The following CRISPLD2 variants were observed in gnomAD, a reference collection of about 807,000 sequenced individuals.
CRISPLD2 encodes cysteine-rich secretory protein LCCL domain-containing 2.
In CRISPLD2, 47 loss-of-function variants were observed where a neutral mutation model predicts 71.1. The observed-to-expected ratio is 0.66, with a 90% CI of 0.52 to 0.84. The LOEUF (loss-of-function observed/expected upper bound fraction) is 0.84. Ranked by LOEUF, CRISPLD2 falls within the 40% of genes least tolerant of loss-of-function variation. The pLI is 0.00. For synonymous variants in CRISPLD2, 317 were observed against 250.1 expected, an observed-to-expected ratio of 1.27 and a Z score of -2.52; for missense variants, 830 against 651.1, an observed-to-expected ratio of 1.27 and a Z score of -2.99.
chr16:84,889,270 T>G lies in CRISPLD2; in HGVS notation c.1346T>G (p.Ile449Ser), dbSNP rs774613732. 5 of 1,613,944 alleles carry G rather than the reference T, an allele frequency of 3.1e-6. No homozygotes were observed. Among genetic ancestry groups the G allele is most frequent in the Non-Finnish European group, 8.5e-7 (1 of 1,180,014 alleles). The change falls in exon 14 of 15, where the codon ATC becomes AGC. Residue 449 changes from isoleucine to serine, a missense_variant. Physicochemically the swap from Ile to Ser is moderately radical, Grantham distance 142 (BLOSUM62 -2). Coordinates refer to ENST00000262424, the MANE Select transcript of CRISPLD2 (RefSeq NM_031476.4). ...AAGACAGCCGTGCACGCGGGAGTCATCAGCAACGAGAGTGGGGGTGACGTG... is the reference window on the plus strand; with the variant it reads ...AAGACAGCCGTGCACGCGGGAGTCAGCAGCAACGAGAGTGGGGGTGACGTG... ...ICKTAVHAGV[I>S]SNESGGDVDV...
chr16:84,886,410 A>G (rs2071613737), intron 13 of CRISPLD2, among the ~76,000 whole-genome samples: 1 of 152,188 alleles, frequency 6.6e-6, no homozygotes, highest in Non-Finnish European at 1.5e-5. Flanking sequence ...CAAAGGAGCT[A>G]TGAGACTGTG....
At chr16:84,863,637 A>G (rs553268337) in intron 6 of CRISPLD2, among the ~76,000 whole-genome samples, 25 of 152,270 alleles carry the variant, frequency 1.6e-4, no homozygotes, top group African/African-American at 2.9e-4. Flanking sequence ...AATGTGGCCA[A>G]TCATGCCTCT....
At chr16:84,880,995 A>G (rs774202) in intron 13 of CRISPLD2, among the ~76,000 whole-genome samples, 96,676 of 151,958 alleles carry the variant, frequency 0.64, 32,405 homozygotes, top group East Asian at 0.86. Context: ...GTGAGTCCCC[A>G]CACCCGGCCA....
intron 5 of CRISPLD2, among the ~76,000 whole-genome samples, chr16:84,853,268 C>T (rs1597459525): frequency 2.6e-5 from 4 of 152,298 alleles, no homozygotes; most frequent in Admixed American, 2.6e-4. Flanking sequence ...GAGAAACCTA[C>T]TGGGCTTCAC....
At chr16:84,880,379 T>C in intron 12 of CRISPLD2, 130 bp from the exon 13 acceptor site, 2 of 640,742 alleles carry the variant, frequency 3.1e-6, no homozygotes, top group South Asian at 2.7e-5. Flanking sequence ...TTTTTCTTAA[T>C]GAGGAAAACT....
intron 1 of CRISPLD2, among the ~76,000 whole-genome samples, chr16:84,837,664 G>A (rs1182687552): frequency 3.9e-5 from 6 of 152,120 alleles, no homozygotes; most frequent in Admixed American, 6.5e-5. Flanking sequence ...TGATCCGCCC[G>A]CCTCGGCCTC....
At chr16:84,872,392 T>C in intron 8 of CRISPLD2, 50 bp from the exon 9 acceptor site, 1 of 1,409,862 alleles carries the variant, frequency 7.1e-7, no homozygotes, top group African/African-American at 1.4e-5. Context: ...CATTGTGAGA[T>C]GTAATCAACG....
intron 1 of CRISPLD2, among the ~76,000 whole-genome samples, chr16:84,820,358 C>T (rs1197435207): frequency 6.6e-6 from 1 of 152,174 alleles, no homozygotes; most frequent in East Asian, 1.9e-4. Context: ...AGCCAGGACT[C>T]CAAGGACCCA....
intron 9 of CRISPLD2, 97 bp downstream of exon 9, chr16:84,872,605 C>G: frequency 9.3e-7 from 1 of 1,077,388 alleles, no homozygotes; most frequent in East Asian, 2.4e-5. Flanking sequence ...GATTTTCTTT[C>G]CACTCCTTAG....
At chr16:84,830,784 A>G (rs1234523265) in intron 1 of CRISPLD2, among the ~76,000 whole-genome samples, 2 of 151,760 alleles carry the variant, frequency 1.3e-5, no homozygotes, top group East Asian at 3.9e-4. Flanking sequence ...TTTTTCCTGC[A>G]TTTTACTGTG....
intron 5 of CRISPLD2, among the ~76,000 whole-genome samples, chr16:84,854,141 C>A (rs28481821): frequency 2.6e-5 from 4 of 152,216 alleles, no homozygotes. Context: ...ATCCCAGCCC[C>A]GCCACTTGCT....
At chr16:84,864,950 T>A (rs1360786063) in intron 6 of CRISPLD2, among the ~76,000 whole-genome samples, 1 of 152,106 alleles carries the variant, frequency 6.6e-6, no homozygotes, top group Non-Finnish European at 1.5e-5. Context: ...GGGTGGTGGT[T>A]GTAGGGTAGT....
intron 14 of CRISPLD2, among the ~76,000 whole-genome samples, chr16:84,891,998 G>C (rs1286448193): frequency 2.6e-5 from 4 of 152,248 alleles, no homozygotes; most frequent in African/African-American, 7.2e-5. Flanking sequence ...CCAGAGTTAA[G>C]ACTTTGCTTT....
intron 1 of CRISPLD2, among the ~76,000 whole-genome samples, chr16:84,822,843 C>T (rs574395347): frequency 3.9e-5 from 6 of 152,196 alleles, no homozygotes; most frequent in African/African-American, 1.4e-4. Flanking sequence ...TTTTCTTTTT[C>T]CTGAAAAGAT....
intron 5 of CRISPLD2, among the ~76,000 whole-genome samples, chr16:84,851,780 A>T (rs1306284582): frequency 6.6e-6 from 1 of 152,222 alleles, no homozygotes; most frequent in Non-Finnish European, 1.5e-5. Context: ...CTCTATAAAA[A>T]ATAGACACTA....
At chr16:84,891,188 A>C (rs2071659130) in intron 14 of CRISPLD2, among the ~76,000 whole-genome samples, 2 of 152,232 alleles carry the variant, frequency 1.3e-5, no homozygotes, top group South Asian at 4.1e-4. Flanking sequence ...GGCAATGTTG[A>C]AGATTTCATA....
intron 13 of CRISPLD2, chr16:84,880,826 C>G (rs537723114): frequency 1.4e-4 from 49 of 357,074 alleles, no homozygotes; most frequent in Non-Finnish European, 2.4e-4. Context: ...GTACCTCAAC[C>G]TGCCAAGTAG....
chr16:84,895,925 G>A (rs1026756061), intron 14 of CRISPLD2, among the ~76,000 whole-genome samples: 3 of 152,088 alleles, frequency 2.0e-5, no homozygotes, highest in Non-Finnish European at 2.9e-5. Context: ...TCAGAGAAAA[G>A]GGTTAACCAG....
intron 2 of CRISPLD2, among the ~76,000 whole-genome samples, chr16:84,843,316 G>A (rs1378663830): frequency 1.3e-5 from 2 of 152,210 alleles, no homozygotes; most frequent in African/African-American, 4.8e-5. Flanking sequence ...AACAAGCAAT[G>A]CAGATTTGAG....
Sources: gnomAD v4.1 joint callset for allele counts (sites outside exome capture counted in the v4.1 genomes callset) on GRCh38, gnomAD v4.1.1 for gene constraint, MANE v1.5 for transcripts, NCBI Gene and HGNC (gene_info 2026-07-23, HGNC 2026-07-21) for gene names.